MECOM: variants seen among roughly 807,000 people sequenced by gnomAD.
The protein encoded by MECOM is histone-lysine N-methyltransferase MECOM.
A neutral mutation model predicts 116.3 loss-of-function variants in MECOM; 13 were observed. The observed-to-expected ratio is 0.11, with a 90% CI of 0.07 to 0.18. The LOEUF (loss-of-function observed/expected upper bound fraction) is 0.18, where lower values mean the gene tolerates loss of function less well. Among genes scored for constraint, MECOM ranks in the 10% least tolerant of loss-of-function variants. The pLI, the probability that MECOM is intolerant of heterozygous loss-of-function variation, is 1.00. For missense variants in MECOM, 1,299 were observed against 1,509.0 expected (o/e 0.86, Z 2.31); for synonymous variants, 528 against 535.2 (o/e 0.99, Z 0.19).
intron 1 of MECOM, among the ~76,000 whole-genome samples, chr3:169,442,486 A>T (rs1743898521): frequency 6.6e-6 from 1 of 152,224 alleles, no homozygotes. Flanking sequence ...CAAGATAAAA[A>T]TATCCATAGT....
intron 1 of MECOM, among the ~76,000 whole-genome samples, chr3:169,523,881 A>G (rs1306983995): frequency 4.5e-5 from 5 of 110,802 alleles, no homozygotes; most frequent in African/African-American, 2.1e-4. Context: ...ATATACACAC[A>G]TATATACACA....
At chr3:169,574,597 C>T (rs1163662970) in intron 1 of MECOM, among the ~76,000 whole-genome samples, 1 of 152,184 alleles carries the variant, frequency 6.6e-6, no homozygotes, top group Non-Finnish European at 1.5e-5. Context: ...TGTGACGGTA[C>T]TTTAGAGCAA....
chr3:169,450,965 G>A (rs1206788412), intron 1 of MECOM, among the ~76,000 whole-genome samples: 1 of 152,098 alleles, frequency 6.6e-6, no homozygotes, highest in African/African-American at 2.4e-5. Context: ...TAGCTTAACT[G>A]TTTTCCATTC....
At position 169,629,946 on chromosome 3, in the gene MECOM, GT is replaced by G. The variant is rs543275634; in HGVS notation, c.37+33389del. Reference sequence around the variant, plus strand: ...GCCTCCTGAGAACAGCAGAATGCCAGTTTCCCCTGTCAACCCACCTCTCCCA... The same window carrying G: ...GCCTCCTGAGAACAGCAGAATGCCAGTTCCCCTGTCAACCCACCTCTCCCA... On this transcript the variant is annotated intron_variant, in intron 1 of 16. Transcript: ENST00000651503. Among the ~76,000 whole-genome samples, 1,041 of 152,300 alleles carry G rather than the reference GT, an allele frequency of 6.8e-3. 14 individuals are homozygous for G. The highest frequency in any genetic ancestry group is 0.024 in the African/African-American group (1,014 of 41,566).
At chr3:169,345,104 T>C (rs1431539517) in intron 2 of MECOM, among the ~76,000 whole-genome samples, 1 of 152,140 alleles carries the variant, frequency 6.6e-6, no homozygotes, top group African/African-American at 2.4e-5. Flanking sequence ...CATGGCCAAA[T>C]TGTTCACTAA....
At chr3:169,490,600 G>T (rs1752965630) in intron 1 of MECOM, among the ~76,000 whole-genome samples, 1 of 152,160 alleles carries the variant, frequency 6.6e-6, no homozygotes, top group Non-Finnish European at 1.5e-5. Flanking sequence ...GTTGAAGAAT[G>T]ATATGTACAG....
chr3:169,259,935 T>C (rs576500941), intron 2 of MECOM, among the ~76,000 whole-genome samples: 23 of 152,290 alleles, frequency 1.5e-4, no homozygotes, highest in South Asian at 4.1e-4. Context: ...AATTTGTTAA[T>C]CTCTTTCTGA....
intron 2 of MECOM, among the ~76,000 whole-genome samples, chr3:169,177,470 G>T (rs1223373642): frequency 2.0e-5 from 3 of 152,110 alleles, no homozygotes; most frequent in African/African-American, 7.2e-5. Flanking sequence ...GCCTGTTTGG[G>T]GGTGGAGGGC....
intron 2 of MECOM, among the ~76,000 whole-genome samples, chr3:169,321,796 A>G (rs1481445432): frequency 6.6e-6 from 1 of 152,234 alleles, no homozygotes; most frequent in Non-Finnish European, 1.5e-5. Flanking sequence ...TTACCAAAAC[A>G]TGAGACATGG....
chr3:169,266,654 GT>G (rs1281751661), intron 2 of MECOM, among the ~76,000 whole-genome samples: 2 of 152,026 alleles, frequency 1.3e-5, no homozygotes, highest in Non-Finnish European at 2.9e-5. Context: ...TGTACTTCTT[GT>G]CCCATATTAC....
At chr3:169,600,282 A>C (rs1221942772) in intron 1 of MECOM, among the ~76,000 whole-genome samples, 1 of 152,042 alleles carries the variant, frequency 6.6e-6, no homozygotes, top group Non-Finnish European at 1.5e-5. Context: ...ATTACTTATA[A>C]ATTTTTTAAA....
At chr3:169,659,748 C>G (rs1402480514) in intron 1 of MECOM, among the ~76,000 whole-genome samples, 2 of 151,980 alleles carry the variant, frequency 1.3e-5, no homozygotes, top group Admixed American at 1.3e-4. Context: ...ATGCCTGAAT[C>G]TGGGTGTTGT....
At chr3:169,557,461 T>A (rs1302554073) in intron 1 of MECOM, among the ~76,000 whole-genome samples, 1 of 152,192 alleles carries the variant, frequency 6.6e-6, no homozygotes, top group Non-Finnish European at 1.5e-5. Flanking sequence ...ATAAAATATC[T>A]TTTTACTTCA....
intron 2 of MECOM, among the ~76,000 whole-genome samples, chr3:169,204,096 A>G (rs1161995381): frequency 6.6e-6 from 1 of 152,152 alleles, no homozygotes. Flanking sequence ...AGCCCAAGGA[A>G]CCGCTACTGG....
At chr3:169,166,405 C>T (rs192727088) in intron 2 of MECOM, among the ~76,000 whole-genome samples, 1 of 152,232 alleles carries the variant, frequency 6.6e-6, no homozygotes, top group East Asian at 1.9e-4. Context: ...CTTTTAACGT[C>T]ACTCCGAACA....
intron 1 of MECOM, among the ~76,000 whole-genome samples, chr3:169,554,107 T>C (rs1179889948): frequency 2.6e-5 from 4 of 152,176 alleles, no homozygotes; most frequent in African/African-American, 9.7e-5. Flanking sequence ...TGTGTGCCAC[T>C]TCCTGGCCAG....
chr3:169,211,228 C>T (rs1299489010), intron 2 of MECOM, among the ~76,000 whole-genome samples: 1 of 152,148 alleles, frequency 6.6e-6, no homozygotes, highest in Non-Finnish European at 1.5e-5. Context: ...CGTGTGCGAT[C>T]TCTCTCTTTT....
At chr3:169,320,412 CG>C (rs1560127422) in intron 2 of MECOM, among the ~76,000 whole-genome samples, 1 of 152,066 alleles carries the variant, frequency 6.6e-6, no homozygotes, top group Non-Finnish European at 1.5e-5. Flanking sequence ...AAATTGATGA[CG>C]TAAGGTCCCT....
intron 2 of MECOM, among the ~76,000 whole-genome samples, chr3:169,324,377 T>A (rs969682325): frequency 2.0e-5 from 3 of 152,218 alleles, no homozygotes; most frequent in African/African-American, 7.2e-5. Context: ...ACACTTCTCC[T>A]TTAAGAAAAT....
Sources: allele counts gnomAD v4.1 joint callset (sites outside exome capture counted in the v4.1 genomes callset), GRCh38; gene constraint gnomAD v4.1.1; transcripts MANE v1.5; gene names NCBI Gene and HGNC (gene_info 2026-07-23, HGNC 2026-07-21).